Variants in IFFO1 observed in about 807,000 individuals in gnomAD.
IFFO1 encodes intermediate filament family orphan 1, also known as non-homologous end joining factor IFFO1.
In IFFO1, 42 loss-of-function variants were observed where a neutral mutation model predicts 59.6. That is an observed-to-expected ratio of 0.70 (90% CI 0.55 to 0.91). IFFO1 has a LOEUF of 0.91. Among genes scored for constraint, IFFO1 ranks in the 40% least tolerant of loss-of-function variants. The pLI, the probability that IFFO1 is intolerant of heterozygous loss-of-function variation, is 0.00. For missense variants in IFFO1, 711 were observed against 793.2 expected (o/e 0.90, Z 1.24); for synonymous variants, 336 against 342.8 (o/e 0.98, Z 0.22).
chr12:6,549,197 A>T lies in IFFO1; in HGVS notation c.1080+279T>A. 1 of 524,690 alleles carries T rather than the reference A, an allele frequency of 1.9e-6. No homozygotes were observed. The highest frequency in any genetic ancestry group is 3.3e-6 in the Non-Finnish European group (1 of 298,760). 32.5% of individuals were successfully genotyped at this position (524,690 alleles called of 1,614,324 possible). A position where few individuals can be genotyped will look rare whatever the true frequency, so the allele number is the denominator to read the frequency against. On this transcript the variant is annotated intron_variant, in intron 5 of 9. Coordinates refer to ENST00000619571, the MANE Select transcript of IFFO1 (RefSeq NM_001193457.2). The surrounding 1 kb of genome is among the most constrained non-coding windows in gnomAD (Gnocchi z 5.0). ...TTGATTAAATGACTCAACTAAAAAA[A>T]AAAAAGCTTTAGGACGCAAGGAGGA...
chr12:6,551,003 TGACA>T lies in IFFO1; in HGVS notation c.774-6_774-3del. 6.2e-7 allele frequency: 1 copy of T among 1,614,098 alleles called. No homozygotes were observed. Among genetic ancestry groups the T allele is most frequent in the African/African-American group, 1.3e-5 (1 of 75,058 alleles). On this transcript the variant is annotated splice_polypyrimidine_tract_variant and splice_region_variant and intron_variant, in intron 1 of 9. Coordinates refer to ENST00000619571, the MANE Select transcript of IFFO1 (RefSeq NM_001193457.2). ...CGCACCGTGTACTCCTCTTCCCACC[TGACA>T]GACATGGGAAGGGCGGAGAGAGCTT...
At position 6,540,312 on chromosome 12, in the gene IFFO1, A is replaced by T; in HGVS notation, c.*171T>A. On this transcript the variant is annotated 3_prime_UTR_variant, in exon 10 of 10. Coordinates refer to ENST00000619571, the MANE Select transcript of IFFO1 (RefSeq NM_001193457.2). Reference sequence around the variant, plus strand: ...CCAAGCCTAGCTCCAGACACCCCAGAGCCCTGGAGAAGCCAAGACTGAGGG... The same window carrying T: ...CCAAGCCTAGCTCCAGACACCCCAGTGCCCTGGAGAAGCCAAGACTGAGGG... The T allele has an allele frequency of 3.1e-6, 2 of 637,408 alleles. No homozygotes were observed. The highest frequency in any genetic ancestry group is 4.2e-4 in the Middle Eastern group (1 of 2,402). 39.5% of individuals were successfully genotyped at this position (637,408 alleles called of 1,614,324 possible).
intron 2 of IFFO1, 65 bp downstream of exon 2, chr12:6,550,876 G>A (rs1248587979): frequency 1.3e-5 from 21 of 1,602,452 alleles, no homozygotes; most frequent in Non-Finnish European, 1.7e-5. Context: ...GGAGACGGCA[G>A]CAGGGTCATG....
chr12:6,544,000 T>G (rs1163954288), intron 8 of IFFO1: 1 of 151,918 alleles, frequency 6.6e-6, no homozygotes, highest in Admixed American at 6.6e-5. Flanking sequence ...AAAATAGTAA[T>G]AAAGTACACA....
intron 8 of IFFO1, among the ~76,000 whole-genome samples, chr12:6,543,054 C>T (rs138685680): frequency 1.3e-5 from 2 of 152,290 alleles, no homozygotes; most frequent in South Asian, 2.1e-4. Context: ...TTGAAAACTG[C>T]AGGCTCGCTG....
intron 8 of IFFO1, among the ~76,000 whole-genome samples, chr12:6,546,455 C>T (rs1170601347): frequency 6.6e-6 from 1 of 152,240 alleles, no homozygotes; most frequent in East Asian, 1.9e-4. Flanking sequence ...CAACAGCAAC[C>T]TCCATTCTGT....
Position 6,548,106 on chromosome 12 carries a change from T to C in IFFO1, c.1438A>G (p.Thr480Ala). Residue 480 changes from threonine to alanine, a missense_variant, in exon 8 of 10, where the codon ACC (threonine) becomes GCC (alanine). By Grantham distance (58) the Thr-to-Ala change is moderately conservative. This residue lies in a region of IFFO1 where 579 missense variants were observed against 650.3 expected (regional missense o/e 0.89). Coordinates refer to ENST00000619571, the MANE Select transcript of IFFO1 (RefSeq NM_001193457.2). The surrounding 1 kb of genome is among the most constrained non-coding windows in gnomAD (Gnocchi z 6.1). ...VIKDTESLFKTREKEYQETID... is the reference protein window; with the variant it reads ...VIKDTESLFKAREKEYQETID... Reference sequence around the variant, plus strand: ...GTCTCCTGATACTCCTTCTCCCGGGTTTTGAACAGGGACTCCGTATCTTTA... The same window carrying C: ...GTCTCCTGATACTCCTTCTCCCGGGCTTTGAACAGGGACTCCGTATCTTTA... 6.2e-7 allele frequency: 1 copy of C among 1,613,876 alleles called. No homozygotes were observed. Among genetic ancestry groups the C allele is most frequent in the African/African-American group, 1.3e-5 (1 of 74,962 alleles).
chr12:6,548,281 A>G lies in IFFO1; in HGVS notation c.1384-121T>C. ...TCTGGTTAAAGAAACTGGAGAAAGA[A>G]AAGCAAAAGGATAAAGGAAGAGGGG... On this transcript the variant is annotated intron_variant, in intron 7 of 9. Coordinates refer to ENST00000619571, the MANE Select transcript of IFFO1 (RefSeq NM_001193457.2). This position sits in a 1 kb window ranked among gnomAD's most constrained non-coding sequence, Gnocchi z 6.1. 7.4e-7 allele frequency: 1 copy of G among 1,359,802 alleles called. No homozygotes were observed. 84.2% of individuals were successfully genotyped at this position (1,359,802 alleles called of 1,614,324 possible). A position where few individuals can be genotyped will look rare whatever the true frequency, so the allele number is the denominator to read the frequency against.
intron 1 of IFFO1, chr12:6,551,582 A>G: frequency 1.3e-6 from 1 of 794,144 alleles, no homozygotes; most frequent in Non-Finnish European, 1.9e-6. Flanking sequence ...CACTAGCTCC[A>G]GAAACTACCC....
chr12:6,546,536 T>G (rs1396838726), intron 8 of IFFO1, among the ~76,000 whole-genome samples: 2 of 152,146 alleles, frequency 1.3e-5, no homozygotes, highest in East Asian at 3.9e-4. Flanking sequence ...CAGGCTGGAG[T>G]GCAGTGGTGC....
At position 6,549,419 on chromosome 12, in the gene IFFO1, A is replaced by C; in HGVS notation, c.1080+57T>G. ...GCCCAAACTGAGGGCCAGGAGGCCT[A>C]GGCAGCTTAGAAACTGGGACTGGGA... On this transcript the variant is annotated intron_variant, in intron 5 of 9. Transcript: ENST00000619571. The surrounding 1 kb of genome is among the most constrained non-coding windows in gnomAD (Gnocchi z 5.0). The C allele has an allele frequency of 1.2e-6, 2 of 1,607,024 alleles. No individual in the cohort carries two copies. The highest frequency in any genetic ancestry group is 2.7e-5 in the African/African-American group (2 of 74,896).
intron 1 of IFFO1, among the ~76,000 whole-genome samples, chr12:6,554,872 C>T (rs1947365989): frequency 6.6e-6 from 1 of 152,220 alleles, no homozygotes; most frequent in African/African-American, 2.4e-5. Flanking sequence ...AATTTAGTCT[C>T]CCAAATTTAC....
chr12:6,540,961 CGCCTTGG>C (rs1279065881), intron 9 of IFFO1, among the ~76,000 whole-genome samples: 1 of 149,020 alleles, frequency 6.7e-6, no homozygotes, highest in Non-Finnish European at 1.5e-5. Flanking sequence ...TGGTGGCGGG[CGCCTTGG>C]AGGCTGAGGC....
chr12:6,545,846 C>T (rs1946938271), intron 8 of IFFO1, among the ~76,000 whole-genome samples: 1 of 152,172 alleles, frequency 6.6e-6, no homozygotes, highest in Non-Finnish European at 1.5e-5. Flanking sequence ...TGGCAGTGCC[C>T]GTGTTCAAGG....
chr12:6,549,381 A>G lies in IFFO1; in HGVS notation c.1080+95T>C. 2 of 1,293,036 alleles carry G rather than the reference A, an allele frequency of 1.5e-6. No homozygotes were observed. Among genetic ancestry groups the G allele is most frequent in the Non-Finnish European group, 2.2e-6 (2 of 900,294 alleles). 80.1% of individuals were successfully genotyped at this position (1,293,036 alleles called of 1,614,324 possible). A position where few individuals can be genotyped will look rare whatever the true frequency, so the allele number is the denominator to read the frequency against. On this transcript the variant is annotated intron_variant, in intron 5 of 9. Coordinates refer to ENST00000619571, the MANE Select transcript of IFFO1 (RefSeq NM_001193457.2). The surrounding 1 kb of genome is among the most constrained non-coding windows in gnomAD (Gnocchi z 5.0). ...AAAGGGCAGAAAAAAATCCGTGCTC[A>G]AGAGCCCAGCGGGCCCAAACTGAGG...
chr12:6,548,348 A>T lies in IFFO1; in HGVS notation c.1383+77T>A. The T allele has an allele frequency of 6.6e-7, 1 of 1,524,096 alleles. No homozygotes were observed. Among genetic ancestry groups the T allele is most frequent in the Non-Finnish European group, 8.9e-7 (1 of 1,118,228 alleles). 94.4% of individuals were successfully genotyped at this position (1,524,096 alleles called of 1,614,324 possible). On this transcript the variant is annotated intron_variant, in intron 7 of 9. Transcript: ENST00000619571. The surrounding 1 kb of genome is among the most constrained non-coding windows in gnomAD (Gnocchi z 6.1). ...TGACAGCCACATGGGGGGACAGAGC[A>T]AGGAGAGGAGCGGGGGAGTGGGCTT... is the stretch of plus-strand genomic sequence containing the variant.
In IFFO1 at chr12:6,549,996, C is replaced by T. The variant is rs1294177617; in HGVS notation, c.931-100G>A. ...CCTCATCCTTCCCACCACATTGCACCGGTGCCTCTTCTGTGGAGTCTCCCT... is the reference window on the plus strand; with the variant it reads ...CCTCATCCTTCCCACCACATTGCACTGGTGCCTCTTCTGTGGAGTCTCCCT... On this transcript the variant is annotated intron_variant, in intron 3 of 9. Transcript: ENST00000619571. This position sits in a 1 kb window ranked among gnomAD's most constrained non-coding sequence, Gnocchi z 5.0. 6.1e-6 allele frequency: 8 copies of T among 1,313,534 alleles called. No homozygotes were observed. The highest frequency in any genetic ancestry group is 1.5e-5 in the African/African-American group (1 of 68,060). 81.4% of individuals were successfully genotyped at this position (1,313,534 alleles called of 1,614,324 possible). A position where few individuals can be genotyped will look rare whatever the true frequency, so the allele number is the denominator to read the frequency against.
chr12:6,550,388 C>T, intron 3 of IFFO1: 1 of 493,018 alleles, frequency 2.0e-6, no homozygotes, highest in Non-Finnish European at 3.7e-6. Context: ...AAAGGTGAGG[C>T]CTCAGAGGCT....
chr12:6,548,766 G>A lies in IFFO1; in HGVS notation c.1164C>T (p.Ser388=), dbSNP rs774831909. 3.7e-6 allele frequency: 6 copies of A among 1,614,054 alleles called. No individual in the cohort carries two copies. Among genetic ancestry groups the A allele is most frequent in the Non-Finnish European group, 5.1e-6 (6 of 1,180,002 alleles). The part of the protein sequence containing the change: ...ERKAAVEEDT[S]LSESEGPRQP... Reference sequence around the variant, plus strand: ...GGCGGGGCCCCTCACTCTCCGACAGGGAGGTGTCCTCCTCGACGGCAGCCT... The same window carrying A: ...GGCGGGGCCCCTCACTCTCCGACAGAGAGGTGTCCTCCTCGACGGCAGCCT... The change falls in exon 6 of 10, where the codon TCC becomes TCT. Residue 388 remains serine (S), a synonymous_variant. Coordinates refer to ENST00000619571, the MANE Select transcript of IFFO1 (RefSeq NM_001193457.2). This position sits in a 1 kb window ranked among gnomAD's most constrained non-coding sequence, Gnocchi z 6.1.
Sources: allele counts gnomAD v4.1 joint callset (sites outside exome capture counted in the v4.1 genomes callset), GRCh38; gene constraint gnomAD v4.1.1; regional missense constraint gnomAD v4.1.1; non-coding constraint Gnocchi (gnomAD v3.1); transcripts MANE v1.5; gene names NCBI Gene and HGNC (gene_info 2026-07-23, HGNC 2026-07-21).